MAML3: variants seen among roughly 807,000 people sequenced by gnomAD.
MAML3 encodes the protein mastermind like transcriptional coactivator 3, also known as mastermind-like protein 3.
A neutral mutation model predicts 101.9 loss-of-function variants in MAML3; 27 were observed. That is an observed-to-expected ratio of 0.27 (90% CI 0.20 to 0.37). The LOEUF (loss-of-function observed/expected upper bound fraction) is 0.37, where lower values mean the gene tolerates loss of function less well. Among genes scored for constraint, MAML3 ranks in the 10% least tolerant of loss-of-function variants. The pLI is 1.00. For missense variants in MAML3, 1,316 were observed against 1,444.9 expected, an observed-to-expected ratio of 0.91 and a Z score of 1.45; for synonymous variants, 501 against 555.9, an observed-to-expected ratio of 0.90 and a Z score of 1.39.
At chr4:139,759,941 C>T (rs1282469773) in intron 2 of MAML3, among the ~76,000 whole-genome samples, 1 of 152,206 alleles carries the variant, frequency 6.6e-6, no homozygotes, top group Non-Finnish European at 1.5e-5. Context: ...AAGAGGCCAC[C>T]TTTCCCATTA....
At chr4:140,078,857 G>GA (rs1307894917) in intron 1 of MAML3, among the ~76,000 whole-genome samples, 2 of 152,134 alleles carry the variant, frequency 1.3e-5, no homozygotes, top group Non-Finnish European at 2.9e-5. Context: ...GAAAGGAAAG[G>GA]AAACAGAGGG....
At chr4:139,945,993 T>C (rs114781595) in intron 1 of MAML3, among the ~76,000 whole-genome samples, 280 of 152,342 alleles carry the variant, frequency 1.8e-3, no homozygotes, top group African/African-American at 6.4e-3. Flanking sequence ...CTACATTCTA[T>C]TTTAGCACCA....
intron 1 of MAML3, among the ~76,000 whole-genome samples, chr4:140,004,639 C>T (rs1416529373): frequency 5.3e-5 from 8 of 152,074 alleles, no homozygotes; most frequent in African/African-American, 1.4e-4. Flanking sequence ...AGATACCCAC[C>T]GCAGACAAAG....
At chr4:139,979,309 C>G (rs1734402583) in intron 1 of MAML3, among the ~76,000 whole-genome samples, 1 of 152,194 alleles carries the variant, frequency 6.6e-6, no homozygotes, top group South Asian at 2.1e-4. Context: ...CCCTCTTTAG[C>G]TCTTTTACAT....
Position 139,890,399 on chromosome 4 carries a change from G to A in MAML3, c.1037C>T (p.Thr346Ile), listed in dbSNP as rs770202599. ...ACTCTCCTGGGAGAGAGGGGTCTCA[G>A]TTGCTGGCTGCGAGAATTCTGGCTC... Reference protein sequence around the residue: ...KKEPEFSQPATETPLSQESAS... With the variant: ...KKEPEFSQPAIETPLSQESAS... Residue 346 changes from threonine (T) to isoleucine (I), a missense_variant, in exon 2 of 5, where the codon ACT becomes ATT. Transcript: ENST00000509479. This position sits in a 1 kb window ranked among gnomAD's most constrained non-coding sequence, Gnocchi z 4.1. 2.5e-6 allele frequency: 4 copies of A among 1,604,306 alleles called. No homozygotes were observed. In the Admixed American group the frequency reaches 6.7e-5, roughly 27 times the overall value.
Position 139,890,038 on chromosome 4 carries a change from T to C in MAML3, c.1398A>G (p.Glu466=), listed in dbSNP as rs757474904. The C allele has an allele frequency of 6.2e-7, 1 of 1,608,190 alleles. No homozygotes were observed. The highest frequency in any genetic ancestry group is 2.2e-5 in the East Asian group (1 of 44,754). The change falls in exon 2 of 5, where the codon GAA becomes GAG. Residue 466 remains glutamate (E), a synonymous_variant. Coordinates refer to ENST00000509479, the MANE Select transcript of MAML3 (RefSeq NM_018717.5). The surrounding 1 kb of genome is among the most constrained non-coding windows in gnomAD (Gnocchi z 4.1). The stretch of plus-strand genomic sequence containing the variant: ...GCTGTGCAGCCATCTGTTTGAGCTG[T>C]TCTGCTGGAGACATGTCAGAGCTGG... The part of the protein sequence containing the change: ...AVPSSDMSPA[E]QLKQMAAQQQ...
At chr4:139,878,588 G>A (rs1415488317) in intron 2 of MAML3, among the ~76,000 whole-genome samples, 1 of 152,204 alleles carries the variant, frequency 6.6e-6, no homozygotes, top group African/African-American at 2.4e-5. Context: ...TCTCTTACCT[G>A]TGAGTGCACT....
chr4:139,892,759 G>A (rs1375185472), intron 1 of MAML3, among the ~76,000 whole-genome samples: 1 of 151,668 alleles, frequency 6.6e-6, no homozygotes, highest in Non-Finnish European at 1.5e-5. Flanking sequence ...CCCCATCTGT[G>A]CTTAAAAAAA....
At chr4:139,943,884 TTTTTG>T (rs1285006718) in intron 1 of MAML3, among the ~76,000 whole-genome samples, 2 of 140,696 alleles carry the variant, frequency 1.4e-5, no homozygotes, top group African/African-American at 5.6e-5. Context: ...TTTTTTTTTT[TTTTTG>T]AGACGGAATC....
intron 1 of MAML3, among the ~76,000 whole-genome samples, chr4:139,936,102 T>G (rs1286148239): frequency 6.6e-6 from 1 of 152,152 alleles, no homozygotes; most frequent in Admixed American, 6.5e-5. Context: ...CACATATAAA[T>G]GATATCATGC....
intron 1 of MAML3, among the ~76,000 whole-genome samples, chr4:140,008,306 C>A (rs1449916390): frequency 6.6e-6 from 1 of 152,104 alleles, no homozygotes; most frequent in Non-Finnish European, 1.5e-5. Context: ...CAGATCGCGC[C>A]ACTGCACTCC....
intron 2 of MAML3, among the ~76,000 whole-genome samples, chr4:139,883,770 T>G (rs1192262480): frequency 6.6e-6 from 1 of 152,012 alleles, no homozygotes; most frequent in Non-Finnish European, 1.5e-5. Context: ...TAGCAGTATT[T>G]GACTTTCTGA....
chr4:139,942,448 C>T (rs1049136909), intron 1 of MAML3, among the ~76,000 whole-genome samples: 3 of 152,128 alleles, frequency 2.0e-5, no homozygotes, highest in Non-Finnish European at 4.4e-5. Context: ...AGTAAGTTCT[C>T]TGTGATTAAT....
chr4:140,104,070 G>C (rs1397897426), intron 1 of MAML3, among the ~76,000 whole-genome samples: 1 of 151,840 alleles, frequency 6.6e-6, no homozygotes, highest in Non-Finnish European at 1.5e-5. Flanking sequence ...GTTTTTAATA[G>C]AGATGATCAT....
chr4:139,938,848 C>T (rs1350634079), intron 1 of MAML3, among the ~76,000 whole-genome samples: 2 of 152,212 alleles, frequency 1.3e-5, no homozygotes, highest in East Asian at 1.9e-4. Flanking sequence ...CTACCCAGTG[C>T]ACAATCACCT....
intron 1 of MAML3, among the ~76,000 whole-genome samples, chr4:140,046,815 T>C (rs1471596946): frequency 6.6e-6 from 1 of 152,098 alleles, no homozygotes; most frequent in African/African-American, 2.4e-5. Context: ...TAGGGGGGAC[T>C]GTACTGAAGC....
intron 1 of MAML3, among the ~76,000 whole-genome samples, chr4:140,117,670 T>A (rs937703462): frequency 6.6e-6 from 1 of 150,434 alleles, no homozygotes; most frequent in Non-Finnish European, 1.5e-5. Context: ...TATACACATA[T>A]ATACGTATGT....
intron 1 of MAML3, among the ~76,000 whole-genome samples, chr4:139,906,280 T>C (rs1349481610): frequency 2.6e-5 from 4 of 152,192 alleles, no homozygotes; most frequent in Non-Finnish European, 4.4e-5. Flanking sequence ...CAAAAGTGTT[T>C]GTCTCCCAAA....
chr4:139,861,275 C>T (rs1348222413), intron 2 of MAML3, among the ~76,000 whole-genome samples: 1 of 152,056 alleles, frequency 6.6e-6, no homozygotes, highest in East Asian at 1.9e-4. Context: ...GTTGGCATTC[C>T]CGAAGGCTCT....
Sources: gnomAD v4.1 joint callset for allele counts (sites outside exome capture counted in the v4.1 genomes callset) on GRCh38, gnomAD v4.1.1 for gene constraint, Gnocchi (gnomAD v3.1) non-coding constraint, MANE v1.5 for transcripts, NCBI Gene and HGNC (gene_info 2026-07-23, HGNC 2026-07-21) for gene names.